TTBK1: variants seen among roughly 807,000 people sequenced by gnomAD.
TTBK1 encodes tau tubulin kinase 1.
In TTBK1, 34 loss-of-function variants were observed where a neutral mutation model predicts 108.5. That is an observed-to-expected ratio of 0.31 (90% CI 0.24 to 0.42). The LOEUF is 0.42. Ranked by LOEUF, TTBK1 falls within the 10% of genes least tolerant of loss-of-function variation. The pLI is 1.00. For synonymous variants in TTBK1, 809 were observed against 795.1 expected (o/e 1.02, Z -0.29); for missense variants, 1,539 against 1,826.0 (o/e 0.84, Z 2.86).
In TTBK1 at chr6:43,284,213, G is replaced by A. The variant is rs1448687993; in HGVS notation, c.3473G>A (p.Arg1158His). The change falls in exon 14 of 15, where the codon CGC becomes CAC. Residue 1158 changes from arginine (R) to histidine (H), a missense_variant. Arg to His is a conservative substitution (Grantham distance 29). Transcript: ENST00000259750. Reference protein sequence around the residue: ...RAAATRSRIPRPIGLRMPMPV... With the variant: ...RAAATRSRIPHPIGLRMPMPV... Reference sequence around the variant, plus strand: ...GCCGCCACCAGGAGCCGGATTCCCCGCCCCATTGGCCTCCGCATGCCCATG... The same window carrying A: ...GCCGCCACCAGGAGCCGGATTCCCCACCCCATTGGCCTCCGCATGCCCATG... 1.9e-6 allele frequency: 3 copies of A among 1,590,932 alleles called. No individual in the cohort carries two copies. The highest frequency in any genetic ancestry group is 2.6e-6 in the Non-Finnish European group (3 of 1,176,374).
chr6:43,277,953 G>A (rs762504273), intron 13 of TTBK1, among the ~76,000 whole-genome samples: 20 of 152,256 alleles, frequency 1.3e-4, no homozygotes, highest in Middle Eastern at 3.4e-3. Context: ...ACAAGCCTCC[G>A]ACCTCAGCAT....
intron 2 of TTBK1, among the ~76,000 whole-genome samples, chr6:43,250,942 T>C (rs1777221866): frequency 6.6e-6 from 1 of 152,226 alleles, no homozygotes; most frequent in Admixed American, 6.5e-5. Flanking sequence ...TGCCGTTGTT[T>C]CCAGTTAGTC....
Position 43,253,728 on chromosome 6 carries a change from G to A in TTBK1, c.471+20G>A, listed in dbSNP as rs749834681. The stretch of plus-strand genomic sequence containing the variant: ...AAGCCTGTGAGTACTGCCCCCACAC[G>A]CCTCTCTGTTCCCTCCTCCAGAACA... On this transcript the variant is annotated intron_variant, in intron 5 of 14. Coordinates refer to ENST00000259750, the MANE Select transcript of TTBK1 (RefSeq NM_032538.3). This position sits in a 1 kb window ranked among gnomAD's most constrained non-coding sequence, Gnocchi z 5.8. 2.8e-5 allele frequency: 45 copies of A among 1,603,406 alleles called. No homozygotes were observed. The highest frequency in any genetic ancestry group is 1.7e-4 in the Admixed American group (10 of 58,970).
rs1777650272 is a variant in TTBK1 at position 43,265,428 on chromosome 6, T to G, written c.1986+2078T>G. 6.6e-6 allele frequency among the ~76,000 whole-genome samples: 1 copy of G among 152,164 alleles called. No homozygotes were observed. Among genetic ancestry groups the G allele is most frequent in the Non-Finnish European group, 1.5e-5 (1 of 68,016 alleles). On this transcript the variant is annotated intron_variant, in intron 13 of 14. Transcript: ENST00000259750. The surrounding 1 kb of genome is among the most constrained non-coding windows in gnomAD (Gnocchi z 4.1). ...ATGCATCCAGGCCTTGCCTGGACAC[T>G]GGAAACTGGGGGCTCAAAAAGTGGG...
chr6:43,259,621 C>T lies in TTBK1; in HGVS notation c.1339C>T (p.Arg447Cys), dbSNP rs908673675. ...CCCAGACTCCCCCACAACCCCAGTC[C>T]GTTCTCTGCGCTACCGGAGGGTGAA... is the stretch of plus-strand genomic sequence containing the variant. ...APPDSPTTPV[R>C]SLRYRRVNSP... Residue 447 changes from arginine to cysteine, a missense_variant, in exon 12 of 15, where the codon CGT (arginine) becomes TGT (cysteine). Arg to Cys is a radical substitution (Grantham distance 180). Coordinates refer to ENST00000259750, the MANE Select transcript of TTBK1 (RefSeq NM_032538.3). This position sits in a 1 kb window ranked among gnomAD's most constrained non-coding sequence, Gnocchi z 6.7. 10 of 1,611,544 alleles carry T rather than the reference C, an allele frequency of 6.2e-6. No homozygotes were observed. Among genetic ancestry groups the T allele is most frequent in the East Asian group, 2.2e-5 (1 of 44,802 alleles).
At chr6:43,262,331 C>A (rs1777562709) in intron 12 of TTBK1, among the ~76,000 whole-genome samples, 1 of 151,992 alleles carries the variant, frequency 6.6e-6, no homozygotes, top group Non-Finnish European at 1.5e-5. Flanking sequence ...GCAGAGGAGG[C>A]TGGAAAGCCC....
In TTBK1 at chr6:43,246,333, A is replaced by G. The variant is rs1777084940; in HGVS notation, c.-54-274A>G. Among the ~76,000 whole-genome samples, 3 of 152,144 alleles carry G rather than the reference A, an allele frequency of 2.0e-5. 1 individual carries two copies. The highest frequency in any genetic ancestry group is 4.1e-4 in the South Asian group (2 of 4,822). ...AGCAAGTCTTCCTGGCATCAGTTAG[A>G]GTATGTCTCTCTCCCCTCGGCCTGT... On this transcript the variant is annotated intron_variant, in intron 1 of 14. Transcript: ENST00000259750.
At chr6:43,255,015 G>C in intron 6 of TTBK1, 34 bp from the exon 7 acceptor site, 2 of 1,608,498 alleles carry the variant, frequency 1.2e-6, no homozygotes. Flanking sequence ...TGAGGGCATG[G>C]TGGGTGACGT....
At chr6:43,266,653 G>A (rs1777684264) in intron 13 of TTBK1, among the ~76,000 whole-genome samples, 1 of 150,486 alleles carries the variant, frequency 6.6e-6, no homozygotes, top group African/African-American at 2.4e-5. Context: ...TTTTGCTCTT[G>A]TTCCCCAGGC....
intron 13 of TTBK1, among the ~76,000 whole-genome samples, chr6:43,268,832 G>A (rs956919254): frequency 2.2e-4 from 33 of 152,200 alleles, no homozygotes; most frequent in African/African-American, 8.0e-4. Context: ...CCTCCTACGA[G>A]TCCATCCCTT....
chr6:43,281,650 A>C (rs6929810), intron 13 of TTBK1, among the ~76,000 whole-genome samples: 4,618 of 152,168 alleles, frequency 0.03, 150 homozygotes, highest in African/African-American at 0.084. Context: ...GATGGGCAGG[A>C]AAGTGGGGAG....
chr6:43,246,566 G>A, intron 1 of TTBK1, 41 bp from the exon 2 acceptor site: 2 of 871,252 alleles, frequency 2.3e-6, no homozygotes, highest in Non-Finnish European at 3.5e-6. Flanking sequence ...GGTGGTCCTG[G>A]GTCCGCAGCC....
chr6:43,262,829 T>C lies in TTBK1; in HGVS notation c.1465T>C (p.Cys489Arg). 6.3e-7 allele frequency: 1 copy of C among 1,598,084 alleles called. No individual in the cohort carries two copies. ...DLPGSPSRQACSSQPAQMLSV... is the reference protein window; with the variant it reads ...DLPGSPSRQARSSQPAQMLSV... ...GCCTGGCTCGCCCTCGCGCCAGGCC[T>C]GCTCCTCTCAGCCAGCCCAGATGCT... Residue 489 changes from cysteine to arginine, a missense_variant, in exon 13 of 15, where the codon TGC (cysteine) becomes CGC (arginine). Cys to Arg is a radical substitution (Grantham distance 180). This residue lies in a region of TTBK1 where 277 missense variants were observed against 332.4 expected (regional missense o/e 0.83). Transcript: ENST00000259750.
In TTBK1 at chr6:43,265,965, G is replaced by A. The variant is rs1777666224; in HGVS notation, c.1986+2615G>A. Reference sequence around the variant, plus strand: ...CTCATCCTCACTTTGGGGAATTCTGGCCAAGCGGGTGGGGAGAGAGAGATT... The same window carrying A: ...CTCATCCTCACTTTGGGGAATTCTGACCAAGCGGGTGGGGAGAGAGAGATT... On this transcript the variant is annotated intron_variant, in intron 13 of 14. Transcript: ENST00000259750. This position sits in a 1 kb window ranked among gnomAD's most constrained non-coding sequence, Gnocchi z 4.1. Among the ~76,000 whole-genome samples the A allele has an allele frequency of 6.6e-6, 1 of 152,108 alleles. No homozygotes were observed. Among genetic ancestry groups the A allele is most frequent in the Non-Finnish European group, 1.5e-5 (1 of 68,022 alleles).
chr6:43,247,177 T>C (rs1777113963), intron 2 of TTBK1, among the ~76,000 whole-genome samples: 1 of 151,958 alleles, frequency 6.6e-6, no homozygotes, highest in South Asian at 2.1e-4. Context: ...CGGAAAGGCT[T>C]GGGTTTGGGG....
chr6:43,254,693 C>A (rs969763137), intron 6 of TTBK1, 42 bp downstream of exon 6: 55 of 1,486,890 alleles, frequency 3.7e-5, no homozygotes, highest in Admixed American at 6.8e-5. Context: ...AGGACTCCCC[C>A]CTACTCCCAG....
chr6:43,272,000 T>C, intron 13 of TTBK1: 1 of 984,998 alleles, frequency 1.0e-6, no homozygotes, highest in South Asian at 4.7e-5. Context: ...AGGTGGACCC[T>C]TTGAGAAGGG....
In TTBK1 at chr6:43,276,749, G is replaced by A. The variant is rs1366445676; in HGVS notation, c.1987-5978G>A. Among the ~76,000 whole-genome samples the A allele has an allele frequency of 1.3e-5, 2 of 151,964 alleles. No individual in the cohort carries two copies. Among genetic ancestry groups the A allele is most frequent in the African/African-American group, 4.8e-5 (2 of 41,328 alleles). On this transcript the variant is annotated intron_variant, in intron 13 of 14. Transcript: ENST00000259750. The surrounding 1 kb of genome is among the most constrained non-coding windows in gnomAD (Gnocchi z 5.4). Reference sequence around the variant, plus strand: ...CCCTGGCTCTGAGGTCGCCGGGCTGGGCAGAGGGCAGGGGTTAGTCTGTTG... The same window carrying A: ...CCCTGGCTCTGAGGTCGCCGGGCTGAGCAGAGGGCAGGGGTTAGTCTGTTG...
At position 43,262,820 on chromosome 6, in the gene TTBK1, C is replaced by T. The variant is rs771265705; in HGVS notation, c.1456C>T (p.Arg486Cys). 9 of 1,590,202 alleles carry T rather than the reference C, an allele frequency of 5.7e-6. No individual in the cohort carries two copies. Among genetic ancestry groups the T allele is most frequent in the Non-Finnish European group, 7.7e-6 (9 of 1,165,444 alleles). Residue 486 changes from arginine (R) to cysteine (C), a missense_variant, in exon 13 of 15, where the codon CGC becomes TGC. Physicochemically the swap from Arg to Cys is radical, Grantham distance 180. Transcript: ENST00000259750. ...SRMDLPGSPS[R>C]QACSSQPAQM... ...GATGGATCTGCCTGGCTCGCCCTCG[C>T]GCCAGGCCTGCTCCTCTCAGCCAGC...
Sources: gnomAD v4.1 joint callset for allele counts (sites outside exome capture counted in the v4.1 genomes callset) on GRCh38, gnomAD v4.1.1 for gene constraint, gnomAD v4.1.1 regional missense constraint, Gnocchi (gnomAD v3.1) non-coding constraint, MANE v1.5 for transcripts, NCBI Gene and HGNC (gene_info 2026-07-23, HGNC 2026-07-21) for gene names.